The following NGFR variants were observed in gnomAD, a reference collection of about 807,000 sequenced individuals.
NGFR encodes the protein tumor necrosis factor receptor superfamily member 16.
Under a neutral mutation model 43.2 loss-of-function variants are expected in NGFR, and 30 were observed. The observed-to-expected ratio is 0.69, with a 90% CI of 0.52 to 0.94. NGFR has a LOEUF of 0.94. Among genes scored for constraint, NGFR ranks in the 40% least tolerant of loss-of-function variants. The probability of loss-of-function intolerance (pLI) is 0.00; values close to 1 mark genes in which losing one functional copy is unlikely to be tolerated. For missense variants in NGFR, 529 were observed against 602.5 expected (o/e 0.88, Z 1.28); for synonymous variants, 246 against 259.6 (o/e 0.95, Z 0.50).
chr17:49,498,334 T>C (rs2071150357), intron 1 of NGFR, among the ~76,000 whole-genome samples: 1 of 152,258 alleles, frequency 6.6e-6, no homozygotes, highest in African/African-American at 2.4e-5. Context: ...CAAGTCTCTA[T>C]GCTACATTAT....
Position 49,512,900 on chromosome 17 carries a change from C to CAAG in NGFR, c.1175_1176insAAG (p.Thr392_Gln393insSer). ...CGCGCCCTGCTTGCAAGCTGGGCCA[C>CAAG]CCAGGACAGCGCCACACTGGACGCC... On this transcript the variant is annotated inframe_insertion, in exon 6 of 6. Coordinates refer to ENST00000172229, the MANE Select transcript of NGFR (RefSeq NM_002507.4). The surrounding 1 kb of genome is among the most constrained non-coding windows in gnomAD (Gnocchi z 5.2). 6.2e-7 allele frequency: 1 copy of CAAG among 1,612,938 alleles called. No homozygotes were observed. The highest frequency in any genetic ancestry group is 8.5e-7 in the Non-Finnish European group (1 of 1,179,776).
chr17:49,506,278 T>C, intron 2 of NGFR, 21 bp from the exon 3 acceptor site: 2 of 1,526,330 alleles, frequency 1.3e-6, no homozygotes, highest in African/African-American at 1.4e-5. Flanking sequence ...GACGACTAAA[T>C]CTGGTGTCCG....
At chr17:49,501,999 A>AGGGGCGCCCCCCCCCCC in intron 1 of NGFR, 64 bp from the exon 2 acceptor site, 1 of 330,984 alleles carries the variant, frequency 3.0e-6, no homozygotes, top group Non-Finnish European at 5.9e-6. Flanking sequence ...TCCCCGGAAG[A>AGGGGCGCCCCCCCCCCC]ACCCCCCCCA....
chr17:49,502,165 T>C lies in NGFR; in HGVS notation c.169T>C (p.Cys57Arg), dbSNP rs764937534. 1 of 1,611,468 alleles carries C rather than the reference T, an allele frequency of 6.2e-7. No homozygotes were observed. Among genetic ancestry groups the C allele is most frequent in the East Asian group, 2.2e-5 (1 of 44,812 alleles). The change falls in exon 2 of 6, where the codon TGT becomes CGT. Residue 57 changes from cysteine to arginine, a missense_variant. Physicochemically the swap from Cys to Arg is radical, Grantham distance 180 (BLOSUM62 -3). Transcript: ENST00000172229. ...CCTGGGCGAGGGTGTGGCCCAGCCT[T>C]GTGGAGCCAACCAGACCGTGTGTGA... ...CNLGEGVAQP[C>R]GANQTVCEPC...
In NGFR at chr17:49,512,011, T is replaced by G. The variant is rs768199266; in HGVS notation, c.941T>G (p.Leu314Arg). The change falls in exon 5 of 6, where the codon CTG becomes CGG. Residue 314 changes from leucine (L) to arginine (R), a missense_variant. Leu to Arg is a moderately radical substitution (Grantham distance 102, BLOSUM62 -2). Coordinates refer to ENST00000172229, the MANE Select transcript of NGFR (RefSeq NM_002507.4). This position sits in a 1 kb window ranked among gnomAD's most constrained non-coding sequence, Gnocchi z 5.2. Reference protein sequence around the residue: ...DSGISVDSQSLHDQQPHTQTA... With the variant: ...DSGISVDSQSRHDQQPHTQTA... ...GGCATCTCCGTGGACAGCCAGAGCC[T>G]GCATGACCAGCAGCCCCACACGCAG... 2 of 1,613,616 alleles carry G rather than the reference T, an allele frequency of 1.2e-6. No homozygotes were observed. The highest frequency in any genetic ancestry group is 1.7e-6 in the Non-Finnish European group (2 of 1,179,892).
In NGFR at chr17:49,511,995, G is replaced by A. The variant is rs1198547061; in HGVS notation, c.925G>A (p.Val309Met). The A allele has an allele frequency of 3.1e-6, 5 of 1,613,748 alleles. No individual in the cohort carries two copies. The highest frequency in any genetic ancestry group is 1.3e-5 in the African/African-American group (1 of 74,934). ...ACTCCACAGCGACAGTGGCATCTCC[G>A]TGGACAGCCAGAGCCTGCATGACCA... is the stretch of plus-strand genomic sequence containing the variant. ...EKLHSDSGIS[V>M]DSQSLHDQQP... is the part of the protein sequence containing the mutation. Residue 309 changes from valine to methionine, a missense_variant, in exon 5 of 6, where the codon GTG (valine) becomes ATG (methionine). Val to Met is a conservative substitution (Grantham distance 21). Transcript: ENST00000172229.
chr17:49,509,410 G>A (rs1163573574), intron 3 of NGFR, among the ~76,000 whole-genome samples: 1 of 152,186 alleles, frequency 6.6e-6, no homozygotes, highest in African/African-American at 2.4e-5. Flanking sequence ...AGGCAACATT[G>A]CCCAGACAAG....
Position 49,513,102 on chromosome 17 carries a change from G to T in NGFR, c.*93G>T, listed in dbSNP as rs1426055036. ...GCCCGCACCCCCACCCTTTGGGGGG[G>T]GCCCGCCTGGCAGAACTGAGCTCCT... is the stretch of plus-strand genomic sequence containing the variant. On this transcript the variant is annotated 3_prime_UTR_variant, in exon 6 of 6. Coordinates refer to ENST00000172229, the MANE Select transcript of NGFR (RefSeq NM_002507.4). 7 of 1,342,020 alleles carry T rather than the reference G, an allele frequency of 5.2e-6. No individual in the cohort carries two copies. Among genetic ancestry groups the T allele is most frequent in the African/African-American group, 1.5e-5 (1 of 68,062 alleles). The allele number at this position is 1,342,020 out of a possible 1,614,324, so 83.1% of individuals were successfully genotyped here.
chr17:49,506,701 T>TGGGCGGG, intron 3 of NGFR, 43 bp downstream of exon 3: 1 of 148,986 alleles, frequency 6.7e-6, no homozygotes, highest in African/African-American at 5.9e-5. Context: ...GGTGCGGGGG[T>TGGGCGGG]GGGCTGGGGG....
intron 1 of NGFR, chr17:49,497,502 G>GCTGGGCGTGGAGGAC (rs2071145610): frequency 6.6e-6 from 1 of 152,452 alleles, no homozygotes; most frequent in Non-Finnish European, 1.5e-5. Flanking sequence ...AAGGAGGGGA[G>GCTGGGCGTGGAGGAC]CTGGGCGTGG....
At chr17:49,501,076 T>C (rs614455) in intron 1 of NGFR, among the ~76,000 whole-genome samples, 41,595 of 152,222 alleles carry the variant, frequency 0.27, 6,802 homozygotes, top group Non-Finnish European at 0.38. Flanking sequence ...CATTAAGTTT[T>C]TTTTAAAGGA....
chr17:49,512,295 C>T lies in NGFR; in HGVS notation c.982+243C>T, dbSNP rs897102931. Among the ~76,000 whole-genome samples, 1 of 152,170 alleles carries T rather than the reference C, an allele frequency of 6.6e-6. No homozygotes were observed. Among genetic ancestry groups the T allele is most frequent in the Non-Finnish European group, 1.5e-5 (1 of 68,034 alleles). On this transcript the variant is annotated intron_variant, in intron 5 of 5. Coordinates refer to ENST00000172229, the MANE Select transcript of NGFR (RefSeq NM_002507.4). This position sits in a 1 kb window ranked among gnomAD's most constrained non-coding sequence, Gnocchi z 5.2. ...CAGACTCATCAAGCTAATTGTCCCCCCTGGGGGCTAATTATTGCCCAAAGT... is the reference window on the plus strand; with the variant it reads ...CAGACTCATCAAGCTAATTGTCCCCTCTGGGGGCTAATTATTGCCCAAAGT...
rs1244849143 is a variant in NGFR, at chr17:49,512,417, G to A, written c.983-291G>A. Among the ~76,000 whole-genome samples the A allele has an allele frequency of 6.6e-6, 1 of 152,190 alleles. No individual in the cohort carries two copies. Among genetic ancestry groups the A allele is most frequent in the African/African-American group, 2.4e-5 (1 of 41,438 alleles). On this transcript the variant is annotated intron_variant, in intron 5 of 5. Coordinates refer to ENST00000172229, the MANE Select transcript of NGFR (RefSeq NM_002507.4). This position sits in a 1 kb window ranked among gnomAD's most constrained non-coding sequence, Gnocchi z 5.2. ...ATAGCCCAGCTCCGGGACACTTGCT[G>A]TAGTTGTCTAGAACTGAGAAGCCCT...
chr17:49,502,330 C>G, intron 2 of NGFR, 126 bp downstream of exon 2: 1 of 1,070,864 alleles, frequency 9.3e-7, no homozygotes, highest in Non-Finnish European at 1.3e-6. Context: ...GTAAGGTCAT[C>G]AGAAGTGGGT....
In NGFR at chr17:49,506,363, G is replaced by A. The variant is rs1377727216; in HGVS notation, c.273G>A (p.Gly91=). 1.3e-6 allele frequency: 2 copies of A among 1,597,276 alleles called. No homozygotes were observed. The highest frequency in any genetic ancestry group is 2.2e-5 in the East Asian group (1 of 44,574). ...GCAAGCCGTGCACCGAGTGCGTGGGGCTCCAGAGCATGTCGGCGCCGTGCG... is the reference window on the plus strand; with the variant it reads ...GCAAGCCGTGCACCGAGTGCGTGGGACTCCAGAGCATGTCGGCGCCGTGCG... The part of the protein sequence containing the change: ...EPCKPCTECV[G]LQSMSAPCVE... Residue 91 remains glycine (G), a synonymous_variant, in exon 3 of 6, where the codon GGG becomes GGA. Transcript: ENST00000172229.
rs1156938856 is a variant in NGFR at position 49,506,668 on chromosome 17, G to A, written c.568+10G>A. 1.4e-6 allele frequency: 2 copies of A among 1,389,368 alleles called. No individual in the cohort carries two copies. The highest frequency in any genetic ancestry group is 2.8e-5 in the East Asian group (1 of 36,222). The allele number at this position is 1,389,368 out of a possible 1,614,324, so 86.1% of individuals were successfully genotyped here. ...GACGCCGAGTGCGAGGGTGAGTGCG[G>A]TTCGGGGGGCGGGGGGAGTGGGGGT... is the stretch of plus-strand genomic sequence containing the variant. On this transcript the variant is annotated intron_variant, in intron 3 of 5. Transcript: ENST00000172229.
intron 1 of NGFR, 64 bp from the exon 2 acceptor site, chr17:49,501,999 A>AGGGGCCCCCCCCCCCCCCCCCCCCAC: frequency 3.0e-6 from 1 of 330,984 alleles, no homozygotes; most frequent in East Asian, 6.4e-5. Flanking sequence ...TCCCCGGAAG[A>AGGGGCCCCCCCCCCCCCCCCCCCCAC]ACCCCCCCCA....
At position 49,510,419 on chromosome 17, in the gene NGFR, T is replaced by C; in HGVS notation, c.576T>C (p.Pro192=). The C allele has an allele frequency of 6.2e-7, 1 of 1,613,700 alleles. No individual in the cohort carries two copies. The highest frequency in any genetic ancestry group is 1.3e-5 in the African/African-American group (1 of 75,016). ...RWADAECEEI[P]GRWITRSTPP... The stretch of plus-strand genomic sequence containing the variant: ...TGTGGCCTTTTCTCCCAGAGATCCC[T>C]GGCCGTTGGATTACACGGTCCACAC... Residue 192 remains proline, a synonymous_variant, in exon 4 of 6, where the codon CCT becomes CCC. Coordinates refer to ENST00000172229, the MANE Select transcript of NGFR (RefSeq NM_002507.4).
intron 3 of NGFR, among the ~76,000 whole-genome samples, chr17:49,510,093 T>A (rs1422672153): frequency 6.6e-6 from 1 of 152,008 alleles, no homozygotes; most frequent in Non-Finnish European, 1.5e-5. Flanking sequence ...TAGCCCCAGA[T>A]GGAAGGGAGC....
Sources: gnomAD v4.1 joint callset for allele counts (sites outside exome capture counted in the v4.1 genomes callset) on GRCh38, gnomAD v4.1.1 for gene constraint, Gnocchi (gnomAD v3.1) non-coding constraint, MANE v1.5 for transcripts, NCBI Gene and HGNC (gene_info 2026-07-23, HGNC 2026-07-21) for gene names.